The following FMNL2 variants were observed in gnomAD, a reference collection of about 807,000 sequenced individuals.
FMNL2 encodes formin like 2.
A neutral mutation model predicts 130.2 loss-of-function variants in FMNL2; 51 were observed. The observed-to-expected ratio is 0.39, with a 90% CI of 0.31 to 0.49. FMNL2 has a LOEUF of 0.49. Ranked by LOEUF, FMNL2 falls within the 20% of genes least tolerant of loss-of-function variation. The pLI, the probability that FMNL2 is intolerant of heterozygous loss-of-function variation, is 0.85. For synonymous variants in FMNL2, 465 were observed against 467.1 expected (o/e 1.00, Z 0.06); for missense variants, 977 against 1,316.2 (o/e 0.74, Z 3.99).
At chr2:152,628,982 C>T (rs1681986039) in intron 18 of FMNL2, among the ~76,000 whole-genome samples, 1 of 152,130 alleles carries the variant, frequency 6.6e-6, no homozygotes, top group African/African-American at 2.4e-5. Context: ...TAAGAGTTTT[C>T]TTTCTTGGAA....
intron 1 of FMNL2, among the ~76,000 whole-genome samples, chr2:152,418,639 T>A (rs1686744836): frequency 6.6e-6 from 1 of 152,256 alleles, no homozygotes; most frequent in African/African-American, 2.4e-5. Context: ...AATTTCATTC[T>A]TTTTTAAGGC....
At chr2:152,509,724 C>G (rs923820360) in intron 1 of FMNL2, among the ~76,000 whole-genome samples, 10 of 121,498 alleles carry the variant, frequency 8.2e-5, no homozygotes, top group African/African-American at 2.9e-4. Flanking sequence ...GAAGGTATAT[C>G]TGTACTCTGG....
intron 1 of FMNL2, among the ~76,000 whole-genome samples, chr2:152,452,574 GGAC>G (rs1354357632): frequency 5.9e-5 from 9 of 152,148 alleles, no homozygotes; most frequent in Admixed American, 4.6e-4. Flanking sequence ...TCTTGTAATG[GGAC>G]AAATGTGACT....
chr2:152,399,390 C>T (rs1685564604), intron 1 of FMNL2, among the ~76,000 whole-genome samples: 1 of 152,150 alleles, frequency 6.6e-6, no homozygotes, highest in South Asian at 2.1e-4. Context: ...CTCTGCTGTG[C>T]CTTTTTAATA....
At position 152,619,605 on chromosome 2, in the gene FMNL2, C is replaced by T; in HGVS notation, c.1724C>T (p.Pro575Leu). 6.3e-7 allele frequency: 1 copy of T among 1,575,072 alleles called. No homozygotes were observed. Among genetic ancestry groups the T allele is most frequent in the Non-Finnish European group, 8.6e-7 (1 of 1,159,880 alleles). ...CCGCCCCCTCCGCCTCCTCCTCTCCCAGGCCCTGCAGCTGAGACTGTACCA... is the reference window on the plus strand; with the variant it reads ...CCGCCCCCTCCGCCTCCTCCTCTCCTAGGCCCTGCAGCTGAGACTGTACCA... ...PPPPPPPPPL[P>L]GPAAETVPAP... Residue 575 changes from proline to leucine, a missense_variant, in exon 15 of 26, where the codon CCA becomes CTA. Pro to Leu is a moderately conservative substitution (Grantham distance 98). Around this residue, in one of 4 missense-constraint regions of FMNL2, gnomAD observed 689 missense variants for 995.9 expected, o/e 0.69. Transcript: ENST00000288670.
At chr2:152,590,161 C>T (rs2105771464) in intron 9 of FMNL2, among the ~76,000 whole-genome samples, 1 of 151,142 alleles carries the variant, frequency 6.6e-6, no homozygotes, top group Admixed American at 6.6e-5. Context: ...TCTAGGATTA[C>T]AAGTGTGGGC....
chr2:152,553,488 G>A (rs1259703391), intron 4 of FMNL2, among the ~76,000 whole-genome samples: 1 of 150,908 alleles, frequency 6.6e-6, no homozygotes, highest in Non-Finnish European at 1.5e-5. Context: ...ACCGAGATTT[G>A]AGCCTAGATA....
At chr2:152,455,430 C>T (rs941309273) in intron 1 of FMNL2, among the ~76,000 whole-genome samples, 45 of 152,228 alleles carry the variant, frequency 3.0e-4, no homozygotes, top group African/African-American at 1.0e-3. Context: ...AGGAAAGTTC[C>T]AGCCAGCACA....
chr2:152,631,111 C>A (rs1038628927), intron 20 of FMNL2, among the ~76,000 whole-genome samples: 1 of 152,078 alleles, frequency 6.6e-6, no homozygotes, highest in Non-Finnish European at 1.5e-5. Flanking sequence ...ATAGGCCAGG[C>A]CTGGTGGCTC....
intron 1 of FMNL2, among the ~76,000 whole-genome samples, chr2:152,426,971 C>T (rs545915094): frequency 8.5e-5 from 13 of 152,242 alleles, no homozygotes; most frequent in African/African-American, 2.9e-4. Context: ...CTGCCATGCC[C>T]GTTGGTCTCT....
intron 1 of FMNL2, among the ~76,000 whole-genome samples, chr2:152,425,992 G>C (rs574878454): frequency 7.5e-4 from 115 of 152,320 alleles, no homozygotes; most frequent in South Asian, 1.9e-3. Flanking sequence ...TATCTCCTCT[G>C]TTAGCCTTTG....
At chr2:152,470,415 T>G (rs112214258) in intron 1 of FMNL2, among the ~76,000 whole-genome samples, 3 of 152,186 alleles carry the variant, frequency 2.0e-5, no homozygotes, top group Non-Finnish European at 4.4e-5. Context: ...ATGAAAGTAT[T>G]TGGAAGATTG....
At chr2:152,598,417 G>C (rs755509160) in intron 9 of FMNL2, among the ~76,000 whole-genome samples, 2 of 152,120 alleles carry the variant, frequency 1.3e-5, no homozygotes, top group African/African-American at 2.4e-5. Context: ...GGCTGGGTGC[G>C]GTGGCTCATG....
At chr2:152,392,664 T>C (rs559410856) in intron 1 of FMNL2, among the ~76,000 whole-genome samples, 117 of 152,332 alleles carry the variant, frequency 7.7e-4, no homozygotes, top group Non-Finnish European at 1.5e-3. Context: ...GAAGCCATCA[T>C]GGCTTAATCA....
chr2:152,555,237 A>G (rs2105563939), intron 4 of FMNL2, among the ~76,000 whole-genome samples: 1 of 152,330 alleles, frequency 6.6e-6, no homozygotes, highest in Admixed American at 6.5e-5. Flanking sequence ...AGGGACCCCT[A>G]GTGGTATATG....
chr2:152,584,529 T>A (rs1696962113), intron 9 of FMNL2, among the ~76,000 whole-genome samples: 1 of 152,232 alleles, frequency 6.6e-6, no homozygotes, highest in Non-Finnish European at 1.5e-5. Context: ...AGTAGCCAGA[T>A]CCTTTGGGCT....
intron 1 of FMNL2, among the ~76,000 whole-genome samples, chr2:152,472,019 GATTGTGCACT>G (rs1689887180): frequency 6.6e-6 from 1 of 152,128 alleles, no homozygotes; most frequent in Non-Finnish European, 1.5e-5. Context: ...TCTGAGACTG[GATTGTGCACT>G]AGCCATAAGG....
At chr2:152,505,054 A>G (rs373459904) in intron 1 of FMNL2, among the ~76,000 whole-genome samples, 31 of 152,338 alleles carry the variant, frequency 2.0e-4, no homozygotes, top group African/African-American at 7.0e-4. Flanking sequence ...CTGTTTATCT[A>G]AAGTTATTTG....
chr2:152,623,144 G>A (rs927331857), intron 15 of FMNL2, among the ~76,000 whole-genome samples: 5 of 152,166 alleles, frequency 3.3e-5, no homozygotes, highest in African/African-American at 1.2e-4. Flanking sequence ...GTTGCAAATG[G>A]CAAACTTCTA....
Sources: allele counts gnomAD v4.1 joint callset (sites outside exome capture counted in the v4.1 genomes callset), GRCh38; gene constraint gnomAD v4.1.1; regional missense constraint gnomAD v4.1.1; transcripts MANE v1.5; gene names NCBI Gene and HGNC (gene_info 2026-07-23, HGNC 2026-07-21).